Variants in TFG observed in about 807,000 individuals in gnomAD.
TFG encodes the protein protein TFG.
A neutral mutation model predicts 51.4 loss-of-function variants in TFG; 22 were observed. The ratio of observed to expected loss-of-function variants is 0.43; its 90% CI spans 0.31 to 0.61. The LOEUF is 0.61. Among genes scored for constraint, TFG ranks in the 20% least tolerant of loss-of-function variants. TFG has a pLI of 0.12. For synonymous variants in TFG, 187 were observed against 165.6 expected, an observed-to-expected ratio of 1.13 and a Z score of -0.99; for missense variants, 419 against 487.7, an observed-to-expected ratio of 0.86 and a Z score of 1.33.
intron 7 of TFG, among the ~76,000 whole-genome samples, chr3:100,746,911 G>T (rs566297672): frequency 6.6e-6 from 1 of 152,290 alleles, no homozygotes; most frequent in East Asian, 1.9e-4. Flanking sequence ...GAGGATAGGA[G>T]AACTTGTATG....
intron 1 of TFG, 83 bp from the exon 2 acceptor site, chr3:100,713,560 A>C: frequency 1.8e-6 from 1 of 543,476 alleles, no homozygotes; most frequent in Non-Finnish European, 3.0e-6. Context: ...TGGAGGCTAG[A>C]GTTTCTTAGC....
At chr3:100,717,579 G>GTT (rs55750598) in intron 2 of TFG, among the ~76,000 whole-genome samples, 12 of 116,506 alleles carry the variant, frequency 1.0e-4, no homozygotes, top group South Asian at 5.8e-4. Context: ...TTTCATCAGT[G>GTT]TTTTTTTTTT....
At chr3:100,709,467 ATTTTT>A (rs561497809), upstream of TFG, 1 of 148,080 alleles carries the variant, frequency 6.8e-6, no homozygotes, top group Non-Finnish European at 1.5e-5. Context: ...GCGAAAGGAC[ATTTTT>A]TTTTTTCTTG....
chr3:100,713,954 A>G, intron 2 of TFG, 85 bp downstream of exon 2: 1 of 879,976 alleles, frequency 1.1e-6, no homozygotes, highest in Non-Finnish European at 1.6e-6. Context: ...AGGCTGGAGT[A>G]CAGTGGTGTG....
chr3:100,728,606 GT>G (rs2095082505), intron 3 of TFG, 105 bp from the exon 4 acceptor site: 4 of 953,808 alleles, frequency 4.2e-6, no homozygotes, highest in Non-Finnish European at 6.0e-6. Flanking sequence ...TTGATATCTT[GT>G]TTTTGTTTTT....
intron 7 of TFG, among the ~76,000 whole-genome samples, chr3:100,747,112 A>G (rs1007386180): frequency 2.0e-5 from 3 of 152,188 alleles, no homozygotes; most frequent in African/African-American, 7.2e-5. Flanking sequence ...CTACTAGTCT[A>G]TTAACTTGAA....
intron 6 of TFG, among the ~76,000 whole-genome samples, chr3:100,737,752 C>CT (rs1419924127): frequency 7.2e-5 from 11 of 152,118 alleles, no homozygotes; most frequent in African/African-American, 2.4e-4. Flanking sequence ...TGTGGTGATA[C>CT]TTTCAGAGTT....
chr3:100,720,344 T>A (rs1260098644), intron 3 of TFG, among the ~76,000 whole-genome samples: 3 of 152,240 alleles, frequency 2.0e-5, no homozygotes, highest in Admixed American at 2.0e-4. Context: ...TTAATTTAGC[T>A]GTATTAGAAT....
At chr3:100,734,189 A>T (rs1257627122) in intron 5 of TFG, among the ~76,000 whole-genome samples, 1 of 151,922 alleles carries the variant, frequency 6.6e-6, no homozygotes, top group Non-Finnish European at 1.5e-5. Context: ...TTTTTTTAAC[A>T]TTAATGACTT....
At chr3:100,746,003 A>G (rs183118682) in intron 7 of TFG, among the ~76,000 whole-genome samples, 105 of 152,262 alleles carry the variant, frequency 6.9e-4, no homozygotes, top group African/African-American at 2.5e-3. Flanking sequence ...AAAATTTGAA[A>G]TATTTTGACA....
intron 3 of TFG, among the ~76,000 whole-genome samples, chr3:100,723,915 A>G (rs906817048): frequency 6.6e-6 from 1 of 152,144 alleles, no homozygotes; most frequent in Non-Finnish European, 1.5e-5. Flanking sequence ...AATGTAACAG[A>G]TAATTAGATA....
Position 100,736,696 on chromosome 3 carries a change from C to G in TFG, c.701C>G (p.Thr234Ser), listed in dbSNP as rs770439532. 5.6e-6 allele frequency: 9 copies of G among 1,613,812 alleles called. No homozygotes were observed. Among genetic ancestry groups the G allele is most frequent in the Admixed American group, 3.3e-5 (2 of 59,942 alleles). Residue 234 changes from threonine (T) to serine (S), a missense_variant, in exon 6 of 8, where the codon ACT becomes AGT. This residue lies in a region of TFG where 391 missense variants were observed against 434.4 expected (regional missense o/e 0.90). Transcript: ENST00000240851. ...PQQPPYTGAQTQAGQIEGQMY... is the reference protein window; with the variant it reads ...PQQPPYTGAQSQAGQIEGQMY... ...CAGCCACCATATACAGGAGCTCAGA[C>G]TCAAGCAGGTCAGATTGAAGGTAAA...
At chr3:100,747,585 T>C (rs1002542585) in intron 7 of TFG, 4 of 153,166 alleles carry the variant, frequency 2.6e-5, no homozygotes, top group African/African-American at 9.6e-5. Flanking sequence ...TTATGTGTTA[T>C]GCTGTACTGC....
rs375483576 is a variant in TFG at position 100,713,602 on chromosome 3, G to A, written c.-43-41G>A. The A allele has an allele frequency of 7.8e-5, 75 of 961,644 alleles. No individual in the cohort carries two copies. The African/African-American group carries it at 1.1e-3, about 14-fold the overall frequency. 59.6% of individuals were successfully genotyped at this position (961,644 alleles called of 1,614,324 possible). On this transcript the variant is annotated intron_variant, in intron 1 of 7. Transcript: ENST00000240851. ...TAGTAGCTTTGCTCTCAACTTTTACGGTATGTTTTGTTGTTTAATTATCAA... is the reference window on the plus strand; with the variant it reads ...TAGTAGCTTTGCTCTCAACTTTTACAGTATGTTTTGTTGTTTAATTATCAA...
chr3:100,745,710 A>G (rs551557918), intron 7 of TFG, among the ~76,000 whole-genome samples: 4 of 152,340 alleles, frequency 2.6e-5, no homozygotes, highest in Admixed American at 6.5e-5. Flanking sequence ...AATCTAGTCT[A>G]AATTCTATTT....
chr3:100,710,270 A>T (rs2095026700), intron 1 of TFG: 1 of 152,128 alleles, frequency 6.6e-6, no homozygotes, highest in Admixed American at 6.5e-5. Context: ...AGCTAACTTT[A>T]AGAGTTTGCT....
At chr3:100,728,338 TTAA>T (rs1433059998) in intron 3 of TFG, among the ~76,000 whole-genome samples, 3 of 146,354 alleles carry the variant, frequency 2.0e-5, no homozygotes, top group East Asian at 1.9e-4. Flanking sequence ...TTTATTAAAT[TTAA>T]TAATTTCTAT....
chr3:100,724,622 A>G (rs901686595), intron 3 of TFG, among the ~76,000 whole-genome samples: 3 of 152,198 alleles, frequency 2.0e-5, no homozygotes, highest in South Asian at 2.1e-4. Context: ...GGGTTAATAT[A>G]ACATTAACAT....
In TFG at chr3:100,748,900, A is replaced by G; in HGVS notation, c.*369A>G. On this transcript the variant is annotated 3_prime_UTR_variant, in exon 8 of 8. Transcript: ENST00000240851. ...TGATGTACTAAAGTAGAGCCCTTTG[A>G]GAATACAAGATATTATGTATAAAAT... The G allele has an allele frequency of 4.3e-6, 1 of 230,944 alleles. No homozygotes were observed. Among genetic ancestry groups the G allele is most frequent in the Non-Finnish European group, 8.6e-6 (1 of 116,458 alleles). 14.3% of individuals were successfully genotyped at this position (230,944 alleles called of 1,614,324 possible). A position where few individuals can be genotyped will look rare whatever the true frequency, so the allele number is the denominator to read the frequency against.
Sources: allele counts gnomAD v4.1 joint callset (sites outside exome capture counted in the v4.1 genomes callset), GRCh38; gene constraint gnomAD v4.1.1; regional missense constraint gnomAD v4.1.1; transcripts MANE v1.5; gene names NCBI Gene and HGNC (gene_info 2026-07-23, HGNC 2026-07-21).